PARD3B: variants seen among roughly 807,000 people sequenced by gnomAD.
PARD3B encodes par-3 family cell polarity regulator beta.
PARD3B carries 103 observed loss-of-function variants against 130.2 expected under a neutral mutation model. The observed-to-expected ratio is 0.79, with a 90% CI of 0.67 to 0.93. The LOEUF is 0.93. Ranked by LOEUF, PARD3B falls within the 40% of genes least tolerant of loss-of-function variation. The pLI is 0.00. For synonymous variants in PARD3B, 583 were observed against 553.2 expected (o/e 1.05, Z -0.76); for missense variants, 1,609 against 1,499.2 (o/e 1.07, Z -1.21).
intron 1 of PARD3B, among the ~76,000 whole-genome samples, chr2:204,584,816 C>T (rs2032746447): frequency 6.6e-6 from 1 of 152,154 alleles, no homozygotes; most frequent in Admixed American, 6.5e-5. Flanking sequence ...TAGCTCAGGG[C>T]CCAGAAACCA....
intron 14 of PARD3B, among the ~76,000 whole-genome samples, chr2:205,192,273 T>TCC (rs2036438425): frequency 6.6e-6 from 1 of 152,196 alleles, no homozygotes; most frequent in African/African-American, 2.4e-5. Flanking sequence ...AGTATCAAAC[T>TCC]CCAACTGTTT....
Position 204,709,465 on chromosome 2 carries a change from A to G in PARD3B, c.222+23183A>G, listed in dbSNP as rs373066647. 3.9e-3 allele frequency among the ~76,000 whole-genome samples: 592 copies of G among 152,324 alleles called. 2 individuals are homozygous for G. The highest frequency in any genetic ancestry group is 6.4e-3 in the Non-Finnish European group (433 of 68,032). On this transcript the variant is annotated intron_variant, in intron 2 of 22. Coordinates refer to ENST00000406610, the MANE Select transcript of PARD3B (RefSeq NM_001302769.2). ...CAGCCTTAAGAACTTTAGTATGAGC[A>G]TATGTGTCTTTTATTATTCTACTTT...
chr2:205,005,250 G>GA (rs1368094274), intron 3 of PARD3B, among the ~76,000 whole-genome samples: 1 of 152,040 alleles, frequency 6.6e-6, no homozygotes, highest in Non-Finnish European at 1.5e-5. Context: ...TACAGCAAGA[G>GA]AAAATAATAT....
rs138069446 is a variant in PARD3B at position 205,057,657 on chromosome 2, G to GTATA, written c.504+9969_504+9970insTATA. On this transcript the variant is annotated intron_variant, in intron 4 of 22. Coordinates refer to ENST00000406610, the MANE Select transcript of PARD3B (RefSeq NM_001302769.2). Reference sequence around the variant, plus strand: ...TATACATATATGTGTATGTGTATACGTACATATACATATATGTGTATGTGT... The same window carrying GTATA: ...TATACATATATGTGTATGTGTATACGTATATACATATACATATATGTGTATGTGT... Among the ~76,000 whole-genome samples the GTATA allele has an allele frequency of 1.3e-4, 9 of 70,516 alleles. No individual in the cohort carries two copies. In the South Asian group the frequency reaches 2.2e-3, roughly 17 times the overall value. 46.3% of individuals were successfully genotyped at this position (70,516 alleles called of 152,430 possible).
At chr2:204,781,702 A>G (rs2041839461) in intron 2 of PARD3B, among the ~76,000 whole-genome samples, 1 of 152,142 alleles carries the variant, frequency 6.6e-6, no homozygotes. Context: ...TATTGGTTTG[A>G]AAAAGATGCT....
At chr2:205,361,298 G>T (rs62171518) in intron 18 of PARD3B, among the ~76,000 whole-genome samples, 5,067 of 152,202 alleles carry the variant, frequency 0.033, 99 homozygotes, top group Middle Eastern at 0.058. Context: ...GGAGAAGATG[G>T]TAGATGGAAA....
intron 4 of PARD3B, among the ~76,000 whole-genome samples, chr2:205,064,390 T>C (rs571936554): frequency 1.1e-4 from 17 of 152,248 alleles, no homozygotes; most frequent in Middle Eastern, 3.4e-3. Flanking sequence ...TTCCTCCACA[T>C]TGGGGAGACA....
In PARD3B at chr2:205,183,571, C is replaced by T. The variant is rs1273440206; in HGVS notation, c.1925-2193C>T. On this transcript the variant is annotated intron_variant, in intron 13 of 22. Transcript: ENST00000406610. This position sits in a 1 kb window ranked among gnomAD's most constrained non-coding sequence, Gnocchi z 5.2. The stretch of plus-strand genomic sequence containing the variant: ...GGCGCTGCCTTTGTGCTTCTTTCCC[C>T]CTGGTCACCTACTTAGCAGGTCTGC... Among the ~76,000 whole-genome samples, 3 of 152,126 alleles carry T rather than the reference C, an allele frequency of 2.0e-5. No individual in the cohort carries two copies. The highest frequency in any genetic ancestry group is 6.5e-5 in the Admixed American group (1 of 15,284).
intron 2 of PARD3B, among the ~76,000 whole-genome samples, 165 bp from the exon 3 acceptor site, chr2:204,964,987 C>T (rs1298725963): frequency 1.3e-5 from 2 of 152,090 alleles, no homozygotes; most frequent in South Asian, 2.1e-4. Context: ...TGCTTATAGA[C>T]ATAATATTAT....
intron 15 of PARD3B, among the ~76,000 whole-genome samples, chr2:205,197,628 G>A (rs1356641237): frequency 6.6e-6 from 1 of 152,150 alleles, no homozygotes; most frequent in African/African-American, 2.4e-5. Context: ...GAACAGAAAT[G>A]ATTAACATGA....
intron 16 of PARD3B, among the ~76,000 whole-genome samples, chr2:205,296,876 TAAA>T (rs35938355): frequency 2.8e-5 from 4 of 145,220 alleles, no homozygotes; most frequent in African/African-American, 2.5e-5. Flanking sequence ...AACATCTTTT[TAAA>T]AAAAAAAAAA....
At chr2:204,801,078 T>C (rs2042551393) in intron 2 of PARD3B, among the ~76,000 whole-genome samples, 1 of 152,172 alleles carries the variant, frequency 6.6e-6, no homozygotes, top group Non-Finnish European at 1.5e-5. Flanking sequence ...TACATATCTG[T>C]TTTGGTACCA....
chr2:204,568,063 G>A (rs891176460), intron 1 of PARD3B, among the ~76,000 whole-genome samples: 1 of 152,128 alleles, frequency 6.6e-6, no homozygotes, highest in African/African-American at 2.4e-5. Context: ...TTGTAAATCT[G>A]TGAAATGACA....
intron 1 of PARD3B, among the ~76,000 whole-genome samples, chr2:204,659,840 A>G (rs1449651387): frequency 6.6e-6 from 1 of 152,154 alleles, no homozygotes; most frequent in Admixed American, 6.6e-5. Context: ...AATGGATGCT[A>G]TTTACAAAAA....
chr2:204,757,630 G>C (rs919503698), intron 2 of PARD3B, among the ~76,000 whole-genome samples: 2 of 152,062 alleles, frequency 1.3e-5, no homozygotes, highest in African/African-American at 4.8e-5. Context: ...GCTCATGTCA[G>C]ATAAAGATAC....
intron 2 of PARD3B, among the ~76,000 whole-genome samples, chr2:204,855,434 C>T (rs1575141839): frequency 6.6e-6 from 1 of 151,376 alleles, no homozygotes; most frequent in African/African-American, 2.4e-5. Flanking sequence ...CTCAGCTACT[C>T]GAGAGGCTGA....
intron 22 of PARD3B, among the ~76,000 whole-genome samples, chr2:205,597,097 G>A (rs1307686569): frequency 6.6e-6 from 1 of 151,462 alleles, no homozygotes; most frequent in Non-Finnish European, 1.5e-5. Context: ...GGTTACCTAC[G>A]TGTATTACAT....
chr2:204,725,006 T>A (rs1481113400), intron 2 of PARD3B, among the ~76,000 whole-genome samples: 1 of 152,076 alleles, frequency 6.6e-6, no homozygotes, highest in Non-Finnish European at 1.5e-5. Context: ...ATGTCATGAA[T>A]AAAAACAGAG....
chr2:205,001,351 A>G (rs998138977), intron 3 of PARD3B, among the ~76,000 whole-genome samples: 1 of 152,188 alleles, frequency 6.6e-6, no homozygotes, highest in African/African-American at 2.4e-5. Flanking sequence ...TAGGGATCCT[A>G]ACTCTTTCTT....
Sources: allele counts gnomAD v4.1 joint callset (sites outside exome capture counted in the v4.1 genomes callset), GRCh38; gene constraint gnomAD v4.1.1; non-coding constraint Gnocchi (gnomAD v3.1); transcripts MANE v1.5; gene names NCBI Gene and HGNC (gene_info 2026-07-23, HGNC 2026-07-21).